Variants in TRIQK observed in about 807,000 individuals in gnomAD.
TRIQK encodes the protein triple QxxK/R motif containing, also known as triple QxxK/R motif-containing protein.
In TRIQK, 10 loss-of-function variants were observed where a neutral mutation model predicts 10.8. That is an observed-to-expected ratio of 0.92 (90% CI 0.57 to 1.57). The LOEUF (loss-of-function observed/expected upper bound fraction) is 1.57, where lower values mean the gene tolerates loss of function less well. Ranked by LOEUF, TRIQK falls within the 40% of genes most tolerant of loss-of-function variation. TRIQK has a pLI of 0.00. For missense variants in TRIQK, 107 were observed against 97.7 expected (o/e 1.09, Z -0.40); for synonymous variants, 33 against 33.7 (o/e 0.98, Z 0.07).
At chr8:92,953,335 T>A (rs1275621969) in intron 2 of TRIQK, 1 of 151,914 alleles carries the variant, frequency 6.6e-6, no homozygotes, top group Non-Finnish European at 1.5e-5. Context: ...AGAGATAGAG[T>A]GAAAACAGAG....
chr8:92,916,848 A>G, intron 3 of TRIQK, 81 bp downstream of exon 3: 1 of 1,068,310 alleles, frequency 9.4e-7, no homozygotes, highest in Non-Finnish European at 1.2e-6. Flanking sequence ...TATGTATTAG[A>G]GAAAATTTAT....
intron 3 of TRIQK, among the ~76,000 whole-genome samples, chr8:92,895,494 G>C (rs1043612454): frequency 2.0e-5 from 3 of 152,100 alleles, no homozygotes; most frequent in African/African-American, 7.2e-5. Flanking sequence ...TGATTCTGGG[G>C]GGTGCTCAGA....
intron 1 of TRIQK, among the ~76,000 whole-genome samples, chr8:92,995,162 A>G (rs1813140399): frequency 6.6e-6 from 1 of 151,654 alleles, no homozygotes; most frequent in Admixed American, 6.6e-5. Context: ...GTCATTTTTT[A>G]TGTCTTGATC....
intron 1 of TRIQK, among the ~76,000 whole-genome samples, chr8:93,002,722 C>G (rs1245421384): frequency 6.6e-6 from 1 of 152,032 alleles, no homozygotes; most frequent in Non-Finnish European, 1.5e-5. Flanking sequence ...GATTTCGAGA[C>G]CAGCCTGGCC....
rs769683814 is a variant in TRIQK at position 92,892,039 on chromosome 8, G to C, written c.97C>G (p.Arg33Gly). The change falls in exon 4 of 5, where the codon CGA becomes GGA. Residue 33 changes from arginine to glycine, a missense_variant. Transcript: ENST00000521988. ...GCTTCTGCTTTTAATTTGGTTGCTCGTAAAATAGGTTTAGTTTTTTTATAA... is the reference window on the plus strand; with the variant it reads ...GCTTCTGCTTTTAATTTGGTTGCTCCTAAAATAGGTTTAGTTTTTTTATAA... ...QDYKKTKPIL[R>G]ATKLKAEAKK... 4.6e-6 allele frequency: 7 copies of C among 1,532,838 alleles called. No homozygotes were observed. In the Admixed American group the frequency reaches 1.4e-4, roughly 30 times the overall value. The allele number at this position is 1,532,838 out of a possible 1,614,324, so 95.0% of individuals were successfully genotyped here.
intron 1 of TRIQK, among the ~76,000 whole-genome samples, chr8:92,959,810 C>T (rs59963891): frequency 0.1 from 15,371 of 152,016 alleles, 1,832 homozygotes; most frequent in African/African-American, 0.28. Context: ...ATAAGTCAAA[C>T]CATTGTAAAT....
intron 2 of TRIQK, chr8:92,953,526 T>C (rs1022950905): frequency 1.3e-5 from 2 of 152,010 alleles, no homozygotes; most frequent in African/African-American, 4.8e-5. Context: ...GAAATTTTAA[T>C]AACGACCAAA....
At position 92,891,999 on chromosome 8, in the gene TRIQK, A is replaced by G. The variant is rs1336996848; in HGVS notation, c.137T>C (p.Ile46Thr). ...CAAATAGAGGTTTACCTTTATGCCT[A>G]TTGCTGTTTTCTTTGCTTCTGCTTT... is the stretch of plus-strand genomic sequence containing the variant. ...KLKAEAKKTAIGIKEVGLVLA... is the reference protein window; with the variant it reads ...KLKAEAKKTATGIKEVGLVLA... The change falls in exon 4 of 5, where the codon ATA becomes ACA. Residue 46 changes from isoleucine (I) to threonine (T), a missense_variant. Coordinates refer to ENST00000521988, the MANE Select transcript of TRIQK (RefSeq NM_001171797.2). The G allele has an allele frequency of 6.5e-7, 1 of 1,532,904 alleles. No individual in the cohort carries two copies. The highest frequency in any genetic ancestry group is 1.4e-5 in the African/African-American group (1 of 72,792). 95.0% of individuals were successfully genotyped at this position (1,532,904 alleles called of 1,614,324 possible). A position where few individuals can be genotyped will look rare whatever the true frequency, so the allele number is the denominator to read the frequency against.
chr8:92,978,946 A>ACTTGGG (rs1301253389), intron 1 of TRIQK, among the ~76,000 whole-genome samples: 1 of 152,124 alleles, frequency 6.6e-6, no homozygotes, highest in Admixed American at 6.6e-5. Context: ...CAGCTGATCC[A>ACTTGGG]ATGAACACTT....
chr8:92,910,281 G>A lies in TRIQK; in HGVS notation c.61+6648C>T, dbSNP rs902850232. Among the ~76,000 whole-genome samples the A allele has an allele frequency of 1.7e-4, 25 of 150,702 alleles. 1 individual carries two copies. Among genetic ancestry groups the A allele is most frequent in the Non-Finnish European group, 5.9e-5 (4 of 67,336 alleles). ...AATCCTTATTGTCTAAGTTAAATAA[G>A]GATATTAATATACTTTATTAAGTCA... On this transcript the variant is annotated intron_variant, in intron 3 of 4. Transcript: ENST00000521988.
intron 3 of TRIQK, among the ~76,000 whole-genome samples, chr8:92,904,551 A>C (rs1179148653): frequency 6.6e-6 from 1 of 152,154 alleles, no homozygotes; most frequent in Non-Finnish European, 1.5e-5. Context: ...AGTCCCTAGC[A>C]CATGGTCATA....
At chr8:92,922,878 A>C (rs1283672134) in intron 2 of TRIQK, among the ~76,000 whole-genome samples, 4 of 151,772 alleles carry the variant, frequency 2.6e-5, no homozygotes, top group Non-Finnish European at 5.9e-5. Context: ...GTTTGGTATT[A>C]TTTAATCAAA....
chr8:92,937,625 T>A (rs1811060307), intron 2 of TRIQK, among the ~76,000 whole-genome samples: 1 of 151,706 alleles, frequency 6.6e-6, no homozygotes, highest in Admixed American at 6.6e-5. Context: ...ATTGAGCATT[T>A]TTTAGTATTT....
chr8:92,890,207 C>T (rs1445217574), intron 4 of TRIQK, among the ~76,000 whole-genome samples: 1 of 151,560 alleles, frequency 6.6e-6, no homozygotes, highest in Admixed American at 6.6e-5. Flanking sequence ...ATTAGTATGC[C>T]AGATTTGAAA....
intron 2 of TRIQK, among the ~76,000 whole-genome samples, chr8:92,940,015 G>A (rs1284575408): frequency 6.6e-6 from 1 of 152,130 alleles, no homozygotes; most frequent in African/African-American, 2.4e-5. Context: ...CCAGCCAGCA[G>A]CTCCACCTAA....
intron 1 of TRIQK, among the ~76,000 whole-genome samples, chr8:92,990,747 C>T (rs925829868): frequency 2.6e-5 from 4 of 152,184 alleles, no homozygotes; most frequent in Non-Finnish European, 5.9e-5. Flanking sequence ...TTCCCATGGT[C>T]ATTGCAACCC....
intron 1 of TRIQK, among the ~76,000 whole-genome samples, chr8:92,991,946 A>G (rs1813099887): frequency 6.6e-6 from 1 of 152,174 alleles, no homozygotes; most frequent in Non-Finnish European, 1.5e-5. Context: ...GCAACTTACA[A>G]GGGATGGGAA....
chr8:92,972,194 G>T (rs559580776), intron 1 of TRIQK, among the ~76,000 whole-genome samples: 114 of 151,606 alleles, frequency 7.5e-4, no homozygotes, highest in African/African-American at 2.7e-3. Flanking sequence ...TGTTGAATTT[G>T]CATTTTTTCC....
intron 2 of TRIQK, among the ~76,000 whole-genome samples, 162 bp from the exon 3 acceptor site, chr8:92,917,172 A>G (rs1809906769): frequency 6.6e-6 from 1 of 152,060 alleles, no homozygotes. Context: ...TTTTAAATAA[A>G]TTATCAATGA....
Sources: gnomAD v4.1 joint callset for allele counts (sites outside exome capture counted in the v4.1 genomes callset) on GRCh38, gnomAD v4.1.1 for gene constraint, MANE v1.5 for transcripts, NCBI Gene and HGNC (gene_info 2026-07-23, HGNC 2026-07-21) for gene names.